The following MYRIP variants were observed in gnomAD, a reference collection of about 807,000 sequenced individuals.
MYRIP encodes the protein myosin VIIA and Rab interacting protein.
Under a neutral mutation model 98.0 loss-of-function variants are expected in MYRIP, and 49 were observed. That is an observed-to-expected ratio of 0.50 (90% CI 0.40 to 0.63). The LOEUF is 0.63. Among genes scored for constraint, MYRIP ranks in the 30% least tolerant of loss-of-function variants. MYRIP has a pLI of 0.00. For missense variants in MYRIP, 1,004 were observed against 1,058.2 expected (o/e 0.95, Z 0.71); for synonymous variants, 404 against 409.5 (o/e 0.99, Z 0.16).
At chr3:39,887,793 G>A (rs138258976) in intron 1 of MYRIP, among the ~76,000 whole-genome samples, 7 of 152,014 alleles carry the variant, frequency 4.6e-5, no homozygotes, top group Non-Finnish European at 8.8e-5. Flanking sequence ...TGTCTCAGCC[G>A]AAAATCTCCT....
chr3:40,006,999 C>T (rs763244763), intron 2 of MYRIP, among the ~76,000 whole-genome samples: 3 of 152,296 alleles, frequency 2.0e-5, no homozygotes, highest in African/African-American at 4.8e-5. Flanking sequence ...GTTATGACTA[C>T]AGGTGTTCAC....
chr3:40,160,132 C>CTTGTGG (rs1950349517), intron 4 of MYRIP, among the ~76,000 whole-genome samples: 1 of 152,188 alleles, frequency 6.6e-6, no homozygotes, highest in Non-Finnish European at 1.5e-5. Flanking sequence ...GTTTTATCTA[C>CTTGTGG]TTTTGGTCTT....
At chr3:39,879,587 G>T (rs1477502805) in intron 1 of MYRIP, among the ~76,000 whole-genome samples, 2 of 152,118 alleles carry the variant, frequency 1.3e-5, no homozygotes, top group Non-Finnish European at 2.9e-5. Flanking sequence ...TTTGTCGTTA[G>T]ACTTATGGTG....
rs1023604204 is a variant in MYRIP, at chr3:39,959,578, C to T, written c.110+58652C>T. Among the ~76,000 whole-genome samples, 56 of 151,346 alleles carry T rather than the reference C, an allele frequency of 3.7e-4. 1 individual carries two copies. The highest frequency in any genetic ancestry group is 1.8e-4 in the Non-Finnish European group (12 of 67,890). On this transcript the variant is annotated intron_variant, in intron 2 of 16. Coordinates refer to ENST00000302541, the MANE Select transcript of MYRIP (RefSeq NM_015460.4). ...TAGGAGATATACCTAATGTAAATGA[C>T]GAGTTAATGGGTGCAGCACACCAGC...
chr3:39,816,556 G>A (rs1940923770), intron 1 of MYRIP, among the ~76,000 whole-genome samples: 1 of 152,146 alleles, frequency 6.6e-6, no homozygotes, highest in Non-Finnish European at 1.5e-5. Context: ...TGGCACTTAA[G>A]TCTTAGTTAT....
intron 9 of MYRIP, 133 bp from the exon 10 acceptor site, chr3:40,189,693 C>A: frequency 1.0e-6 from 1 of 955,676 alleles, no homozygotes; most frequent in Non-Finnish European, 1.6e-6. Context: ...GGTTTGCCTT[C>A]CTGGGCTTCC....
rs139467786 is a variant in MYRIP, at chr3:40,078,292, G to T, written c.332+34021G>T. 2.6e-3 allele frequency among the ~76,000 whole-genome samples: 396 copies of T among 152,302 alleles called. 4 individuals carry two copies. Among genetic ancestry groups the T allele is most frequent in the African/African-American group, 9.2e-3 (382 of 41,580 alleles). On this transcript the variant is annotated intron_variant, in intron 3 of 16. Coordinates refer to ENST00000302541, the MANE Select transcript of MYRIP (RefSeq NM_015460.4). Reference sequence around the variant, plus strand: ...AAAGCGCTGTGTGCAGCCCCGGTTCGCATTCGCACCTCTCTCCCTCCACAC... The same window carrying T: ...AAAGCGCTGTGTGCAGCCCCGGTTCTCATTCGCACCTCTCTCCCTCCACAC...
At chr3:39,902,595 A>G (rs1338567436) in intron 2 of MYRIP, among the ~76,000 whole-genome samples, 1 of 152,232 alleles carries the variant, frequency 6.6e-6, no homozygotes, top group Non-Finnish European at 1.5e-5. Flanking sequence ...TTGTCAATCC[A>G]TATGACTAAC....
At chr3:40,205,793 G>A (rs987782546) in intron 10 of MYRIP, among the ~76,000 whole-genome samples, 1 of 150,592 alleles carries the variant, frequency 6.6e-6, no homozygotes, top group Non-Finnish European at 1.5e-5. Flanking sequence ...TCCCTTTGAA[G>A]TAGAAGAGCA....
At chr3:39,881,691 G>T (rs1312534295) in intron 1 of MYRIP, among the ~76,000 whole-genome samples, 1 of 152,078 alleles carries the variant, frequency 6.6e-6, no homozygotes, top group Non-Finnish European at 1.5e-5. Context: ...TTACCTTTCT[G>T]CTTCACCCTT....
At chr3:40,140,339 C>A (rs572981476) in intron 3 of MYRIP, among the ~76,000 whole-genome samples, 3 of 152,326 alleles carry the variant, frequency 2.0e-5, no homozygotes, top group East Asian at 1.9e-4. Flanking sequence ...CTTGTATATA[C>A]CACATCTTTT....
chr3:39,926,415 G>T (rs972004585), intron 2 of MYRIP, among the ~76,000 whole-genome samples: 8 of 151,890 alleles, frequency 5.3e-5, no homozygotes, highest in Non-Finnish European at 1.2e-4. Context: ...TGCCAAGGTC[G>T]ATGTCTAGAA....
At chr3:39,987,006 A>T (rs1946046937) in intron 2 of MYRIP, among the ~76,000 whole-genome samples, 1 of 151,936 alleles carries the variant, frequency 6.6e-6, no homozygotes, top group African/African-American at 2.4e-5. Context: ...TATTATTATT[A>T]TTTTTTAAGT....
intron 3 of MYRIP, among the ~76,000 whole-genome samples, chr3:40,144,664 G>T (rs1247601396): frequency 1.3e-5 from 2 of 152,162 alleles, no homozygotes; most frequent in Non-Finnish European, 2.9e-5. Context: ...TAAATCATAA[G>T]CCCAGAGGGC....
intron 1 of MYRIP, among the ~76,000 whole-genome samples, chr3:39,839,805 A>G (rs1221259724): frequency 5.3e-5 from 8 of 152,154 alleles, no homozygotes; most frequent in African/African-American, 1.9e-4. Context: ...TTCTTAATCC[A>G]GAGTTCTATT....
At chr3:39,993,123 G>A (rs1010446470) in intron 2 of MYRIP, among the ~76,000 whole-genome samples, 2 of 152,144 alleles carry the variant, frequency 1.3e-5, no homozygotes, top group Non-Finnish European at 2.9e-5. Flanking sequence ...TCTGGTAAGG[G>A]CATTCTTGCT....
At chr3:40,175,634 C>G (rs540223756) in intron 8 of MYRIP, among the ~76,000 whole-genome samples, 1 of 152,224 alleles carries the variant, frequency 6.6e-6, no homozygotes, top group South Asian at 2.1e-4. Flanking sequence ...CTGGTGCCCC[C>G]CAGGGGTGAC....
intron 2 of MYRIP, among the ~76,000 whole-genome samples, chr3:39,956,900 C>A (rs967508844): frequency 4.0e-5 from 6 of 151,786 alleles, no homozygotes; most frequent in African/African-American, 9.7e-5. Flanking sequence ...ACTATAAACA[C>A]CCCTACACAA....
At chr3:40,236,579 A>G (rs576065659) in intron 12 of MYRIP, among the ~76,000 whole-genome samples, 2 of 152,214 alleles carry the variant, frequency 1.3e-5, no homozygotes, top group African/African-American at 4.8e-5. Context: ...AGTGTAATAA[A>G]TTCTTACAGG....
Sources: gnomAD v4.1 joint callset for allele counts (sites outside exome capture counted in the v4.1 genomes callset) on GRCh38, gnomAD v4.1.1 for gene constraint, MANE v1.5 for transcripts, NCBI Gene and HGNC (gene_info 2026-07-23, HGNC 2026-07-21) for gene names.